Variants in IPO11 observed in about 807,000 individuals in gnomAD.
The protein encoded by IPO11 is importin-11.
IPO11 carries 66 observed loss-of-function variants against 143.2 expected under a neutral mutation model. That is an observed-to-expected ratio of 0.46 (90% CI 0.38 to 0.57). The LOEUF (loss-of-function observed/expected upper bound fraction) is 0.57. IPO11 is among the 20% of genes least tolerant of loss of function. IPO11 has a pLI of 0.00. For missense variants in IPO11, 1,026 were observed against 1,141.0 expected, an observed-to-expected ratio of 0.90 and a Z score of 1.45; for synonymous variants, 385 against 377.8, an observed-to-expected ratio of 1.02 and a Z score of -0.22.
chr5:62,618,889 A>G (rs1050844997), intron 29 of IPO11, among the ~76,000 whole-genome samples: 3 of 152,060 alleles, frequency 2.0e-5, no homozygotes, highest in African/African-American at 7.2e-5. Context: ...TGGTTTTACC[A>G]GAATGTACTA....
intron 5 of IPO11, among the ~76,000 whole-genome samples, chr5:62,460,355 G>A (rs1282556162): frequency 2.6e-5 from 4 of 152,070 alleles, no homozygotes; most frequent in African/African-American, 9.7e-5. Context: ...AACTAGATTA[G>A]TTGTCTTGTA....
intron 26 of IPO11, among the ~76,000 whole-genome samples, chr5:62,559,928 AAAAAAAAAAAAAAAG>A (rs1474790607): frequency 2.1e-5 from 3 of 144,834 alleles, no homozygotes; most frequent in Non-Finnish European, 3.0e-5. Flanking sequence ...AAAAAAAAAA[AAAAAAAAAAAAAAAG>A]AGAGAGAAAA....
At chr5:62,464,954 T>G (rs1745515653) in intron 5 of IPO11, among the ~76,000 whole-genome samples, 1 of 152,132 alleles carries the variant, frequency 6.6e-6, no homozygotes, top group Non-Finnish European at 1.5e-5. Context: ...AAGCAAGATA[T>G]CGGTTTAAAG....
intron 29 of IPO11, among the ~76,000 whole-genome samples, chr5:62,613,672 C>G (rs548696583): frequency 6.6e-6 from 1 of 152,162 alleles, no homozygotes; most frequent in African/African-American, 2.4e-5. Context: ...TATTCCTTCC[C>G]TTTGAAACTG....
At chr5:62,616,591 G>T (rs1404234943) in intron 29 of IPO11, among the ~76,000 whole-genome samples, 1 of 151,722 alleles carries the variant, frequency 6.6e-6, no homozygotes. Context: ...ACGGTGGCAT[G>T]CCCCTGTAGT....
intron 26 of IPO11, among the ~76,000 whole-genome samples, chr5:62,557,611 G>A (rs1743622320): frequency 6.6e-6 from 1 of 152,142 alleles, no homozygotes; most frequent in Non-Finnish European, 1.5e-5. Flanking sequence ...TCCATCTATA[G>A]GCTAGTGAGC....
At chr5:62,514,084 C>T (rs1274398445) in intron 19 of IPO11, among the ~76,000 whole-genome samples, 1 of 143,040 alleles carries the variant, frequency 7.0e-6, no homozygotes, top group African/African-American at 2.9e-5. Flanking sequence ...GGCGGCCGGG[C>T]AGAGACGCTC....
chr5:62,422,289 G>T (rs550734686), intron 1 of IPO11, among the ~76,000 whole-genome samples: 4 of 152,036 alleles, frequency 2.6e-5, no homozygotes, highest in African/African-American at 9.7e-5. Context: ...ACCATGCTCA[G>T]CTAATTTTTG....
At chr5:62,467,365 A>G (rs1308587544) in intron 6 of IPO11, 102 bp downstream of exon 6, 13 of 1,244,328 alleles carry the variant, frequency 1.0e-5, no homozygotes, top group East Asian at 4.8e-5. Context: ...TTCACTGGAA[A>G]AATAAGAGGT....
At chr5:62,481,097 T>A (rs534496304) in intron 9 of IPO11, among the ~76,000 whole-genome samples, 1 of 151,952 alleles carries the variant, frequency 6.6e-6, no homozygotes, top group East Asian at 1.9e-4. Flanking sequence ...TTTTTGTATT[T>A]TTAGTAGAGA....
intron 1 of IPO11, among the ~76,000 whole-genome samples, chr5:62,419,666 T>A (rs1580154615): frequency 1.3e-5 from 2 of 152,268 alleles, no homozygotes; most frequent in Middle Eastern, 6.8e-3. Flanking sequence ...TAACTTTTTT[T>A]TTTAATAGGA....
Position 62,467,239 on chromosome 5 carries a change from G to C in IPO11, c.625G>C (p.Glu209Gln). ...TGAAGCTGCAATTTTGAGTTCACTA[G>C]AACGAACACTGCTATCATTGAAAGG... is the stretch of plus-strand genomic sequence containing the variant. ...GNEAAILSSL[E>Q]RTLLSLKVLR... Residue 209 changes from glutamate to glutamine, a missense_variant, in exon 6 of 30, where the codon GAA becomes CAA. Glu to Gln is a conservative substitution (Grantham distance 29). This residue lies in a region of IPO11 where 429 missense variants were observed against 456.3 expected (regional missense o/e 0.94). Transcript: ENST00000325324. 3 of 1,613,918 alleles carry C rather than the reference G, an allele frequency of 1.9e-6. No homozygotes were observed. Among genetic ancestry groups the C allele is most frequent in the Non-Finnish European group, 2.5e-6 (3 of 1,179,958 alleles).
At position 62,483,122 on chromosome 5, in the gene IPO11, C is replaced by A. The variant is rs776537031; in HGVS notation, c.850C>A (p.His284Asn). The A allele has an allele frequency of 1.2e-5, 19 of 1,599,182 alleles. No homozygotes were observed. The highest frequency in any genetic ancestry group is 1.6e-5 in the Non-Finnish European group (19 of 1,171,702). Residue 284 changes from histidine to asparagine, a missense_variant, in exon 10 of 30, where the codon CAT (histidine) becomes AAT (asparagine). By Grantham distance (68) the His-to-Asn change is moderately conservative. Transcript: ENST00000325324. ...TKVLLDFLDQ[H>N]PFSFTPLIQR... is the part of the protein sequence containing the mutation. ...ACAGCTTTTGGACTTCTTGGATCAG[C>A]ATCCTTTTTCATTTACTCCTCTAAT...
chr5:62,529,241 TGA>T (rs1267451579), intron 21 of IPO11, among the ~76,000 whole-genome samples: 1 of 152,076 alleles, frequency 6.6e-6, no homozygotes, highest in Non-Finnish European at 1.5e-5. Flanking sequence ...GAAAATTGGA[TGA>T]GGTAGTAATG....
chr5:62,579,671 G>C (rs1248634500), intron 27 of IPO11: 1 of 1,546,820 alleles, frequency 6.5e-7, no homozygotes, highest in African/African-American at 1.4e-5. Flanking sequence ...ATAAATGAAA[G>C]TGAATTAACA....
At chr5:62,554,940 C>T (rs1325573084) in intron 26 of IPO11, among the ~76,000 whole-genome samples, 2 of 152,164 alleles carry the variant, frequency 1.3e-5, no homozygotes, top group Non-Finnish European at 2.9e-5. Flanking sequence ...GTCTCAAACC[C>T]CTGACCTCAA....
intron 1 of IPO11, among the ~76,000 whole-genome samples, chr5:62,420,292 A>C (rs1209787592): frequency 9.4e-6 from 1 of 105,990 alleles, no homozygotes; most frequent in Non-Finnish European, 2.0e-5. Context: ...GCTCCGTCTC[A>C]AAAAAAAAAA....
intron 1 of IPO11, among the ~76,000 whole-genome samples, chr5:62,416,673 C>CTAACT: frequency 6.6e-6 from 1 of 151,768 alleles, no homozygotes; most frequent in Non-Finnish European, 1.5e-5. Context: ...TCAACTAGTA[C>CTAACT]TAACTTAACA....
intron 28 of IPO11, 137 bp from the exon 29 acceptor site, chr5:62,601,623 TTATC>T (rs1396090966): frequency 2.4e-6 from 1 of 417,454 alleles, no homozygotes; most frequent in Admixed American, 4.5e-5. Flanking sequence ...AAATTTTAAA[TTATC>T]TAGTCTTTTT....
Sources: allele counts gnomAD v4.1 joint callset (sites outside exome capture counted in the v4.1 genomes callset), GRCh38; gene constraint gnomAD v4.1.1; regional missense constraint gnomAD v4.1.1; transcripts MANE v1.5; gene names NCBI Gene and HGNC (gene_info 2026-07-23, HGNC 2026-07-21).